The following SCAPER variants were observed in gnomAD, a reference collection of about 807,000 sequenced individuals.
SCAPER encodes the protein S phase cyclin A-associated protein in the endoplasmic reticulum.
SCAPER carries 98 observed loss-of-function variants against 182.2 expected under a neutral mutation model. The ratio of observed to expected loss-of-function variants is 0.54; its 90% CI spans 0.46 to 0.64. The LOEUF (loss-of-function observed/expected upper bound fraction) is 0.64, where lower values mean the gene tolerates loss of function less well. Ranked by LOEUF, SCAPER falls within the 30% of genes least tolerant of loss-of-function variation. SCAPER has a pLI of 0.00. For missense variants in SCAPER, 1,432 were observed against 1,690.0 expected, an observed-to-expected ratio of 0.85 and a Z score of 2.68; for synonymous variants, 605 against 564.6, an observed-to-expected ratio of 1.07 and a Z score of -1.01.
intron 8 of SCAPER, among the ~76,000 whole-genome samples, chr15:76,787,549 C>T (rs1224562574): frequency 6.6e-6 from 1 of 152,056 alleles, no homozygotes; most frequent in East Asian, 1.9e-4. Flanking sequence ...TGGATGTGAA[C>T]CTCTAGACTC....
At chr15:76,509,494 C>T (rs957134621) in intron 23 of SCAPER, among the ~76,000 whole-genome samples, 2 of 152,100 alleles carry the variant, frequency 1.3e-5, no homozygotes, top group Admixed American at 6.6e-5. Context: ...CAAACTCTAT[C>T]GAATAAAAGC....
chr15:76,704,198 A>T (rs531584672), intron 18 of SCAPER, among the ~76,000 whole-genome samples: 7 of 152,348 alleles, frequency 4.6e-5, no homozygotes, highest in Admixed American at 3.3e-4. Flanking sequence ...CCTTCAAGTC[A>T]TTAGTAAATT....
At chr15:76,897,525 G>A (rs1480524788) in intron 1 of SCAPER, among the ~76,000 whole-genome samples, 1 of 152,070 alleles carries the variant, frequency 6.6e-6, no homozygotes, top group African/African-American at 2.4e-5. Context: ...GGACAACATG[G>A]CAAAACCCCA....
In SCAPER at chr15:76,733,334, AT is replaced by A. The variant is rs1415514919; in HGVS notation, c.1916del (p.His639LeufsTer7). 6.2e-7 allele frequency: 1 copy of A among 1,613,702 alleles called. No homozygotes were observed. The highest frequency in any genetic ancestry group is 1.1e-5 in the South Asian group (1 of 91,044). ...ATTCCTTCAATTTTGATAAAACATC[AT>A]GACGTTTATTCTGGGCTTCAAGGGT... ...INTLEAQNKR[H>X]DVLSKLKEYE... On this transcript the variant is annotated frameshift_variant, in exon 16 of 32. Coordinates refer to ENST00000563290, the MANE Select transcript of SCAPER (RefSeq NM_020843.4). LOFTEE classifies it high-confidence loss of function.
chr15:76,433,939 G>C (rs1478420496), intron 26 of SCAPER, 139 bp downstream of exon 26: 1 of 648,112 alleles, frequency 1.5e-6, no homozygotes, highest in African/African-American at 1.8e-5. Context: ...ATATTTACAA[G>C]GTATTCTTGG....
intron 23 of SCAPER, among the ~76,000 whole-genome samples, chr15:76,550,618 G>C (rs558600414): frequency 6.6e-6 from 1 of 151,908 alleles, no homozygotes; most frequent in African/African-American, 2.4e-5. Flanking sequence ...GGTTGATTCC[G>C]TATCTTTTTT....
At chr15:76,706,283 A>G (rs548447948) in intron 17 of SCAPER, among the ~76,000 whole-genome samples, 2 of 152,300 alleles carry the variant, frequency 1.3e-5, no homozygotes, top group African/African-American at 4.8e-5. Flanking sequence ...TTCCCTTCCA[A>G]AAACTCAATT....
rs569016115 is a variant in SCAPER, at chr15:76,600,276, G to T, written c.2711+21488C>A. Among the ~76,000 whole-genome samples the T allele has an allele frequency of 9.3e-5, 11 of 118,682 alleles. 1 individual carries two copies. The South Asian group carries it at 1.8e-3, about 20-fold the overall frequency. The allele number at this position is 118,682 out of a possible 152,430, so 77.9% of individuals were successfully genotyped here. A position where few individuals can be genotyped will look rare whatever the true frequency, so the allele number is the denominator to read the frequency against. On this transcript the variant is annotated intron_variant, in intron 22 of 31. Transcript: ENST00000563290. ...AAGGAATAGTTACAATTAGTAAACTGTATTAAAAAAGAAGATCCCAAATCC... is the reference window on the plus strand; with the variant it reads ...AAGGAATAGTTACAATTAGTAAACTTTATTAAAAAAGAAGATCCCAAATCC...
chr15:76,683,469 T>C (rs182395697), intron 20 of SCAPER, among the ~76,000 whole-genome samples: 3 of 151,836 alleles, frequency 2.0e-5, no homozygotes, highest in South Asian at 4.2e-4. Context: ...AGCATGCAAA[T>C]ATGGAAAATA....
At chr15:76,393,787 C>A (rs1207574154) in intron 27 of SCAPER, among the ~76,000 whole-genome samples, 1 of 152,200 alleles carries the variant, frequency 6.6e-6, no homozygotes, top group African/African-American at 2.4e-5. Context: ...TCTCTCACTG[C>A]CAGGATGCTT....
At chr15:76,903,660 C>A (rs1226073044) in intron 1 of SCAPER, among the ~76,000 whole-genome samples, 1 of 152,124 alleles carries the variant, frequency 6.6e-6, no homozygotes, top group Non-Finnish European at 1.5e-5. Flanking sequence ...TGTTTATAAG[C>A]CACTCAGTCT....
intron 23 of SCAPER, among the ~76,000 whole-genome samples, chr15:76,524,676 G>C (rs1295259190): frequency 4.6e-5 from 3 of 65,554 alleles, no homozygotes; most frequent in African/African-American, 1.2e-4. Context: ...CTGGAGTTGT[G>C]TTTTTTTGTT....
chr15:76,716,063 C>T (rs1487124189), intron 17 of SCAPER, among the ~76,000 whole-genome samples: 1 of 152,128 alleles, frequency 6.6e-6, no homozygotes, highest in African/African-American at 2.4e-5. Flanking sequence ...AAGAGATCCC[C>T]TCAATGAAGA....
chr15:76,727,000 C>T (rs1033807463), intron 17 of SCAPER, among the ~76,000 whole-genome samples: 5 of 151,788 alleles, frequency 3.3e-5, no homozygotes, highest in Non-Finnish European at 7.4e-5. Context: ...TGATAAATTT[C>T]ATGCTATTTA....
At chr15:76,416,626 T>A (rs2045668402) in intron 26 of SCAPER, among the ~76,000 whole-genome samples, 1 of 152,192 alleles carries the variant, frequency 6.6e-6, no homozygotes, top group Non-Finnish European at 1.5e-5. Flanking sequence ...AATCTGGCAA[T>A]ATGGATCAAA....
chr15:76,704,049 A>G (rs1301561120), intron 18 of SCAPER, among the ~76,000 whole-genome samples: 4 of 152,220 alleles, frequency 2.6e-5, no homozygotes, highest in Non-Finnish European at 5.9e-5. Flanking sequence ...TCTAGAAAGT[A>G]TCAGTTTATC....
intron 1 of SCAPER, among the ~76,000 whole-genome samples, chr15:76,902,148 T>A (rs958013136): frequency 2.0e-5 from 3 of 152,194 alleles, no homozygotes; most frequent in Non-Finnish European, 4.4e-5. Context: ...AAATGCACCA[T>A]GGAATACTAT....
chr15:76,470,479 G>T (rs924883904), intron 25 of SCAPER, among the ~76,000 whole-genome samples: 1 of 152,152 alleles, frequency 6.6e-6, no homozygotes, highest in Non-Finnish European at 1.5e-5. Context: ...GTTTAAGGAA[G>T]AGTTACTAGA....
intron 22 of SCAPER, among the ~76,000 whole-genome samples, chr15:76,579,535 A>AT (rs1399635216): frequency 6.6e-6 from 1 of 151,478 alleles, no homozygotes; most frequent in East Asian, 1.9e-4. Flanking sequence ...CAAAAGATTC[A>AT]TAAAAAAAAA....
Sources: gnomAD v4.1 joint callset for allele counts (sites outside exome capture counted in the v4.1 genomes callset) on GRCh38, gnomAD v4.1.1 for gene constraint, MANE v1.5 for transcripts, NCBI Gene and HGNC (gene_info 2026-07-23, HGNC 2026-07-21) for gene names.